The following ZNF695 variants were observed in gnomAD, a reference collection of about 807,000 sequenced individuals.
The protein encoded by ZNF695 is zinc finger protein SBZF3.
ZNF695 carries 11 observed loss-of-function variants against 11.2 expected under a neutral mutation model. That is an observed-to-expected ratio of 0.98 (90% confidence interval 0.62 to 1.62). The LOEUF (loss-of-function observed/expected upper bound fraction) is 1.62. Ranked by LOEUF, ZNF695 falls within the 40% of genes most tolerant of loss-of-function variation. The pLI, the probability that ZNF695 is intolerant of heterozygous loss-of-function variation, is 0.00. For synonymous variants in ZNF695, 190 were observed against 201.4 expected, an observed-to-expected ratio of 0.94 and a Z score of 0.48; for missense variants, 559 against 590.5, an observed-to-expected ratio of 0.95 and a Z score of 0.55.
chr1:246,991,957 A>G (rs1669049600), intron 3 of ZNF695, among the ~76,000 whole-genome samples: 1 of 152,086 alleles, frequency 6.6e-6, no homozygotes, highest in African/African-American at 2.4e-5. Flanking sequence ...GCACTTTGGG[A>G]GGCCGAGGTG....
At chr1:246,990,271 A>T (rs12563431) in intron 3 of ZNF695, among the ~76,000 whole-genome samples, 137,509 of 151,978 alleles carry the variant, frequency 0.9, 62,309 homozygotes, top group East Asian at 0.99. Flanking sequence ...TGGAAAAGGA[A>T]ATTCCATGAA....
intron 4 of ZNF695, among the ~76,000 whole-genome samples, chr1:246,973,969 C>T (rs976413344): frequency 2.0e-5 from 3 of 152,066 alleles, no homozygotes; most frequent in Admixed American, 6.5e-5. Flanking sequence ...TCCCAGGTTG[C>T]CTGTCAGTGG....
chr1:246,957,739 G>T (rs572600666), intron 5 of ZNF695, among the ~76,000 whole-genome samples: 45 of 151,624 alleles, frequency 3.0e-4, no homozygotes, highest in Middle Eastern at 3.4e-3. Flanking sequence ...GGGCTCAGGT[G>T]ACTCCTACAT....
rs142443675 is a variant in ZNF695 at position 246,955,416 on chromosome 1, T to C, written c.489-9589A>G. ...TCACTGTCGTCTATGAGGTCCATCATTGACTGAAACTGTTATGCAGTGCTT... is the reference window on the plus strand; with the variant it reads ...TCACTGTCGTCTATGAGGTCCATCACTGACTGAAACTGTTATGCAGTGCTT... On this transcript the variant is annotated intron_variant, in intron 5 of 5. Transcript: ENST00000487338. 4.4e-3 allele frequency among the ~76,000 whole-genome samples: 663 copies of C among 152,300 alleles called. 5 individuals carry two copies. Among genetic ancestry groups the C allele is most frequent in the African/African-American group, 0.015 (640 of 41,572 alleles).
intron 4 of ZNF695, among the ~76,000 whole-genome samples, chr1:246,976,133 T>C (rs1668553054): frequency 6.6e-6 from 1 of 152,136 alleles, no homozygotes; most frequent in South Asian, 2.1e-4. Context: ...TTTATTGGTT[T>C]ATAATTGGTG....
Position 246,985,543 on chromosome 1 carries a change from G to C in ZNF695, c.*1424C>G, listed in dbSNP as rs763740213. On this transcript the variant is annotated 3_prime_UTR_variant, in exon 4 of 4. Coordinates refer to ENST00000339986, the MANE Select transcript of ZNF695 (RefSeq NM_020394.5). Reference sequence around the variant, plus strand: ...TTACCTACAACCGTAACTAAGGTGAGATAGGTTAACGTTGGTGGTAGGATA... The same window carrying C: ...TTACCTACAACCGTAACTAAGGTGACATAGGTTAACGTTGGTGGTAGGATA... 1 of 985,274 alleles carries C rather than the reference G, an allele frequency of 1.0e-6. No homozygotes were observed. Among genetic ancestry groups the C allele is most frequent in the Non-Finnish European group, 1.2e-6 (1 of 829,940 alleles). The allele number at this position is 985,274 out of a possible 1,614,324, so 61.0% of individuals were successfully genotyped here. A position where few individuals can be genotyped will look rare whatever the true frequency, so the allele number is the denominator to read the frequency against.
At chr1:246,951,877 C>G (rs190085075) in intron 5 of ZNF695, among the ~76,000 whole-genome samples, 8 of 152,314 alleles carry the variant, frequency 5.3e-5, no homozygotes, top group East Asian at 1.9e-4. Flanking sequence ...CTTCTCCCCC[C>G]GCTCTTTGTC....
At chr1:246,948,231 G>A (rs1004679506) in intron 5 of ZNF695, among the ~76,000 whole-genome samples, 1 of 151,902 alleles carries the variant, frequency 6.6e-6, no homozygotes, top group African/African-American at 2.4e-5. Flanking sequence ...TCACCACCAC[G>A]CCTGGCTAAT....
downstream of ZNF695, among the ~76,000 whole-genome samples, chr1:246,980,485 C>T (rs1419962553): frequency 6.7e-6 from 1 of 149,790 alleles, no homozygotes; most frequent in Non-Finnish European, 1.5e-5. Context: ...GGCGCGATCT[C>T]AGTACACTGC....
intron 4 of ZNF695, among the ~76,000 whole-genome samples, chr1:246,977,116 A>ATATAAATGGGGCTGCT (rs1668587746): frequency 6.6e-6 from 1 of 152,192 alleles, no homozygotes; most frequent in African/African-American, 2.4e-5. Flanking sequence ...CAAGCCCCAG[A>ATATAAATGGGGCTGCT]TATAAATGTA....
At chr1:246,947,553 A>G (rs1333321020) in intron 5 of ZNF695, among the ~76,000 whole-genome samples, 4 of 152,168 alleles carry the variant, frequency 2.6e-5, no homozygotes, top group African/African-American at 9.7e-5. Flanking sequence ...GCAGAGTACA[A>G]CAGATTTGGG....
chr1:246,980,516 T>C (rs146935116), downstream of ZNF695, among the ~76,000 whole-genome samples: 4 of 151,554 alleles, frequency 2.6e-5, no homozygotes, highest in East Asian at 7.8e-4. Flanking sequence ...TCCCAGGTTC[T>C]GGTGATTCTC....
Position 246,987,271 on chromosome 1 carries a change from T to C in ZNF695, c.1244A>G (p.Lys415Arg). 1 of 1,614,020 alleles carries C rather than the reference T, an allele frequency of 6.2e-7. No homozygotes were observed. The highest frequency in any genetic ancestry group is 1.7e-5 in the Admixed American group (1 of 60,014). Residue 415 changes from lysine (K) to arginine (R), a missense_variant, in exon 4 of 4, where the codon AAA becomes AGA. Lys to Arg is a conservative substitution (Grantham distance 26). Transcript: ENST00000339986. ...QKPYKCEECG[K>R]AFTWFSYLTQ... ...AAGGTATGAAAACCAGGTAAAAGCT[T>C]TGCCACATTCCTCACATTTGTAGGG...
chr1:246,959,012 G>A (rs998315523), intron 5 of ZNF695, among the ~76,000 whole-genome samples: 2 of 151,824 alleles, frequency 1.3e-5, no homozygotes, highest in Non-Finnish European at 2.9e-5. Flanking sequence ...GTCTTGGCCA[G>A]GTGCGTTGGC....
rs765608486 is a variant in ZNF695, at chr1:246,999,965, C to T, written c.113G>A (p.Arg38Lys). ...LYRDVMLENYRNLISLGEDSF... is the reference protein window; with the variant it reads ...LYRDVMLENYKNLISLGEDSF... ...ATCCTCACCAAGGGAGATCAGGTTT[C>T]TGTAGTTCTCTAACATCACATCCCT... Residue 38 changes from arginine (R) to lysine (K), a missense_variant, in exon 2 of 4, where the codon AGA becomes AAA. Coordinates refer to ENST00000339986, the MANE Select transcript of ZNF695 (RefSeq NM_020394.5). 1 of 1,614,082 alleles carries T rather than the reference C, an allele frequency of 6.2e-7. No homozygotes were observed. The highest frequency in any genetic ancestry group is 1.3e-5 in the African/African-American group (1 of 74,936).
intron 1 of ZNF695, among the ~76,000 whole-genome samples, chr1:247,005,979 A>C (rs1001296260): frequency 6.6e-6 from 1 of 152,192 alleles, no homozygotes; most frequent in Admixed American, 6.5e-5. Flanking sequence ...TAATCCCAGC[A>C]CTTTGGGAGG....
At position 246,987,544 on chromosome 1, in the gene ZNF695, T is replaced by A; in HGVS notation, c.971A>T (p.Tyr324Phe). The change falls in exon 4 of 4, where the codon TAC (tyrosine) becomes TTC (phenylalanine). Residue 324 changes from tyrosine (Y) to phenylalanine (F), a missense_variant. Tyr to Phe is a conservative substitution (Grantham distance 22, BLOSUM62 3). Transcript: ENST00000339986. Reference protein sequence around the residue: ...HKRIHSREKPYKCEECGKVFK... With the variant: ...HKRIHSREKPFKCEECGKVFK... The stretch of plus-strand genomic sequence containing the variant: ...GACTTTGCCACATTCTTCACACTTG[T>A]AGGGTTTCTCTCTACTATGAATTCT... 1 of 1,602,548 alleles carries A rather than the reference T, an allele frequency of 6.2e-7. No individual in the cohort carries two copies. Among genetic ancestry groups the A allele is most frequent in the Non-Finnish European group, 8.5e-7 (1 of 1,175,130 alleles).
At position 246,987,449 on chromosome 1, in the gene ZNF695, C is replaced by G; in HGVS notation, c.1066G>C (p.Glu356Gln). 6.2e-7 allele frequency: 1 copy of G among 1,611,742 alleles called. No individual in the cohort carries two copies. Among genetic ancestry groups the G allele is most frequent in the Non-Finnish European group, 8.5e-7 (1 of 1,178,656 alleles). The change falls in exon 4 of 4, where the codon GAA becomes CAA. Residue 356 changes from glutamate to glutamine, a missense_variant. Transcript: ENST00000339986. The stretch of plus-strand genomic sequence containing the variant: ...CTCTGGTTAAAGGCTTTTCCACATT[C>G]TTCACATCGGAAGGTTTTCTCTCCA... ...HTGEKTFRCE[E>Q]CGKAFNQSSH...
At chr1:246,968,960 G>A (rs1003693692) in intron 4 of ZNF695, 1 of 152,296 alleles carries the variant, frequency 6.6e-6, no homozygotes, top group South Asian at 2.1e-4. Context: ...GGCCTGTGAT[G>A]AGAGGGGCTG....
Sources: allele counts gnomAD v4.1 joint callset (sites outside exome capture counted in the v4.1 genomes callset), GRCh38; gene constraint gnomAD v4.1.1; transcripts MANE v1.5; gene names NCBI Gene and HGNC (gene_info 2026-07-23, HGNC 2026-07-21).